The following ADAMTS16 variants were observed in gnomAD, a reference collection of about 807,000 sequenced individuals.
ADAMTS16 encodes A disintegrin and metalloproteinase with thrombospondin motifs 16.
A neutral mutation model predicts 145.8 loss-of-function variants in ADAMTS16; 94 were observed. That is an observed-to-expected ratio of 0.64 (90% CI 0.55 to 0.77). The LOEUF is 0.77. Ranked by LOEUF, ADAMTS16 falls within the 30% of genes least tolerant of loss-of-function variation. ADAMTS16 has a pLI of 0.00. For missense variants in ADAMTS16, 1,585 were observed against 1,591.5 expected, an observed-to-expected ratio of 1.00 and a Z score of 0.07; for synonymous variants, 659 against 604.3, an observed-to-expected ratio of 1.09 and a Z score of -1.33.
intron 3 of ADAMTS16, among the ~76,000 whole-genome samples, chr5:5,179,958 A>G (rs1735295193): frequency 6.6e-6 from 1 of 151,900 alleles, no homozygotes; most frequent in Non-Finnish European, 1.5e-5. Flanking sequence ...CCCAAATCCT[A>G]TTTTCCTTGA....
At chr5:5,298,119 G>A (rs938589458) in intron 18 of ADAMTS16, among the ~76,000 whole-genome samples, 12 of 152,250 alleles carry the variant, frequency 7.9e-5, no homozygotes, top group Non-Finnish European at 4.4e-5. Flanking sequence ...GACAGTGTCA[G>A]GAACATCTAT....
intron 3 of ADAMTS16, among the ~76,000 whole-genome samples, chr5:5,171,567 A>T (rs1189341589): frequency 1.3e-5 from 2 of 152,220 alleles, no homozygotes; most frequent in African/African-American, 4.8e-5. Context: ...CATGTGATGT[A>T]TCACATTGAT....
chr5:5,287,167 G>T (rs1023547740), intron 18 of ADAMTS16, among the ~76,000 whole-genome samples: 2 of 152,156 alleles, frequency 1.3e-5, no homozygotes, highest in African/African-American at 4.8e-5. Context: ...AATTGTTCCA[G>T]ACTTATCAAG....
intron 2 of ADAMTS16, among the ~76,000 whole-genome samples, chr5:5,141,897 A>C (rs1035149681): frequency 2.6e-5 from 4 of 152,184 alleles, no homozygotes; most frequent in Non-Finnish European, 4.4e-5. Flanking sequence ...ATGTTAAAAA[A>C]AATTGTCACA....
Position 5,306,724 on chromosome 5 carries a change from C to G in ADAMTS16, c.3407C>G (p.Ser1136Cys), listed in dbSNP as rs1260368515. The G allele has an allele frequency of 6.2e-7, 1 of 1,606,776 alleles. No homozygotes were observed. ...GGCAGCTGGTTTGCCTCACCCTGGT[C>G]TCAGGTAGGGGAGGCCCTCGGTTCC... The part of the protein sequence containing the change: ...SRGSWFASPW[S>C]QCTASCGGGV... Residue 1136 changes from serine (S) to cysteine (C), a missense_variant, in exon 21 of 23, where the codon TCT becomes TGT. Around this residue, in one of 3 missense-constraint regions of ADAMTS16, gnomAD observed 834 missense variants for 811.7 expected, o/e 1.03. Coordinates refer to ENST00000274181, the MANE Select transcript of ADAMTS16 (RefSeq NM_139056.4).
At chr5:5,143,202 T>C (rs527633072) in intron 2 of ADAMTS16, among the ~76,000 whole-genome samples, 1 of 152,136 alleles carries the variant, frequency 6.6e-6, no homozygotes, top group Admixed American at 6.5e-5. Flanking sequence ...ACCTAGAGAA[T>C]GAGAGAAAAT....
chr5:5,225,602 A>T (rs77369625), intron 11 of ADAMTS16, among the ~76,000 whole-genome samples: 1 of 89,634 alleles, frequency 1.1e-5, no homozygotes, highest in African/African-American at 4.0e-5. Context: ...ACTTGGTTTC[A>T]AAAAAAAAAA....
At chr5:5,293,774 A>G (rs929149061) in intron 18 of ADAMTS16, among the ~76,000 whole-genome samples, 1 of 152,240 alleles carries the variant, frequency 6.6e-6, no homozygotes, top group Non-Finnish European at 1.5e-5. Context: ...ACCAGTAGAC[A>G]TGTTAGTTAG....
At chr5:5,231,223 T>C (rs562472395) in intron 11 of ADAMTS16, among the ~76,000 whole-genome samples, 1 of 152,300 alleles carries the variant, frequency 6.6e-6, no homozygotes, top group African/African-American at 2.4e-5. Context: ...GATGTTGTTT[T>C]GCTTAAAGAA....
chr5:5,155,608 A>G (rs1456985060), intron 3 of ADAMTS16, among the ~76,000 whole-genome samples: 1 of 152,198 alleles, frequency 6.6e-6, no homozygotes, highest in East Asian at 1.9e-4. Flanking sequence ...CCTTAGTAGT[A>G]GGAGCTAGCT....
At chr5:5,195,801 A>C (rs574982096) in intron 8 of ADAMTS16, among the ~76,000 whole-genome samples, 10 of 152,220 alleles carry the variant, frequency 6.6e-5, no homozygotes, top group Non-Finnish European at 1.5e-5. Context: ...GAGTCTACAA[A>C]AAGACTAGTG....
chr5:5,141,446 A>G (rs901734118), intron 2 of ADAMTS16, among the ~76,000 whole-genome samples: 1 of 152,204 alleles, frequency 6.6e-6, no homozygotes, highest in Non-Finnish European at 1.5e-5. Flanking sequence ...TTGCTGTCTT[A>G]TGGAAAGGGA....
chr5:5,264,927 C>A (rs946688352), intron 18 of ADAMTS16, among the ~76,000 whole-genome samples: 18 of 152,208 alleles, frequency 1.2e-4, no homozygotes, highest in African/African-American at 4.3e-4. Context: ...TGTCCCTGAG[C>A]CAACCCTGTG....
At position 5,209,133 on chromosome 5, in the gene ADAMTS16, G is replaced by A; in HGVS notation, c.1492G>A (p.Val498Met). 1.9e-6 allele frequency: 3 copies of A among 1,613,994 alleles called. No individual in the cohort carries two copies. Among genetic ancestry groups the A allele is most frequent in the African/African-American group, 1.3e-5 (1 of 75,054 alleles). The change falls in exon 10 of 23, where the codon GTG becomes ATG. Residue 498 changes from valine (V) to methionine (M), a missense_variant. This residue lies in a region of ADAMTS16 where 298 missense variants were observed against 367.6 expected (regional missense o/e 0.81). Coordinates refer to ENST00000274181, the MANE Select transcript of ADAMTS16 (RefSeq NM_139056.4). ...CTGCCTTGCTGATCAGCCAAAGCCT[G>A]TGAAGGAATACAAGTATCCTGAGAA... The part of the protein sequence containing the change: ...AICLADQPKP[V>M]KEYKYPEKLP...
intron 18 of ADAMTS16, among the ~76,000 whole-genome samples, chr5:5,277,776 A>G (rs560883146): frequency 9.9e-5 from 15 of 152,250 alleles, no homozygotes; most frequent in Middle Eastern, 3.4e-3. Flanking sequence ...GGAGTTTGAA[A>G]CCAGCCTGGG....
At chr5:5,237,951 A>G (rs1737158304) in intron 14 of ADAMTS16, among the ~76,000 whole-genome samples, 1 of 152,218 alleles carries the variant, frequency 6.6e-6, no homozygotes, top group Non-Finnish European at 1.5e-5. Context: ...TGGGGTTTCA[A>G]ATGAAGAAGT....
intron 3 of ADAMTS16, among the ~76,000 whole-genome samples, chr5:5,156,900 G>C (rs973141977): frequency 6.6e-6 from 1 of 152,156 alleles, no homozygotes; most frequent in African/African-American, 2.4e-5. Flanking sequence ...GACAACAGCT[G>C]TTCTCAGTAA....
At position 5,303,714 on chromosome 5, in the gene ADAMTS16, A is replaced by C. The variant is rs543109313; in HGVS notation, c.3134A>C (p.Gln1045Pro). Residue 1045 changes from glutamine (Q) to proline (P), a missense_variant, in exon 20 of 23, where the codon CAG (glutamine) becomes CCG (proline). Transcript: ENST00000274181. ...AGGATGCATGAAGCCTGTCTGCTTC[A>C]GCGCTGCCACAAGCCCAAGAAGCTG... ...KPRMHEACLL[Q>P]RCHKPKKLQW... 5.0e-6 allele frequency: 8 copies of C among 1,613,404 alleles called. No homozygotes were observed. In the African/African-American group the frequency reaches 1.1e-4, roughly 22 times the overall value.
intron 9 of ADAMTS16, among the ~76,000 whole-genome samples, chr5:5,205,817 G>C (rs1156487302): frequency 6.6e-6 from 1 of 152,114 alleles, no homozygotes; most frequent in Admixed American, 6.6e-5. Context: ...TTCTTGGATT[G>C]TAAGTGTTAT....
Sources: gnomAD v4.1 joint callset for allele counts (sites outside exome capture counted in the v4.1 genomes callset) on GRCh38, gnomAD v4.1.1 for gene constraint, gnomAD v4.1.1 regional missense constraint, MANE v1.5 for transcripts, NCBI Gene and HGNC (gene_info 2026-07-23, HGNC 2026-07-21) for gene names.